CRYL1: variants seen among roughly 807,000 people sequenced by gnomAD.
The protein encoded by CRYL1 is crystallin lambda 1.
In CRYL1, 29 loss-of-function variants were observed where a neutral mutation model predicts 36.6. The observed-to-expected ratio is 0.79, with a 90% CI of 0.59 to 1.08. The LOEUF (loss-of-function observed/expected upper bound fraction) is 1.08, where lower values mean the gene tolerates loss of function less well. Ranked by LOEUF, CRYL1 falls within the 50% of genes least tolerant of loss-of-function variation. The pLI, the probability that CRYL1 is intolerant of heterozygous loss-of-function variation, is 0.00. For missense variants in CRYL1, 411 were observed against 407.9 expected (o/e 1.01, Z -0.06); for synonymous variants, 152 against 151.5 (o/e 1.00, Z -0.02).
At chr13:20,480,622 T>A (rs2033256608) in intron 3 of CRYL1, among the ~76,000 whole-genome samples, 1 of 152,204 alleles carries the variant, frequency 6.6e-6, no homozygotes, top group Non-Finnish European at 1.5e-5. Context: ...TTCCTAATGC[T>A]CCTGCAGGTC....
intron 3 of CRYL1, among the ~76,000 whole-genome samples, chr13:20,482,621 G>A (rs989674478): frequency 2.0e-5 from 3 of 152,244 alleles, no homozygotes; most frequent in Non-Finnish European, 4.4e-5. Flanking sequence ...GCCCTCTAGG[G>A]TTGGGTAGAA....
At chr13:20,487,722 T>A (rs1025508990) in intron 3 of CRYL1, among the ~76,000 whole-genome samples, 3 of 151,974 alleles carry the variant, frequency 2.0e-5, no homozygotes, top group African/African-American at 7.3e-5. Context: ...GAGGTTGCAA[T>A]GAGCCAAGAT....
chr13:20,515,473 T>C (rs985850130), intron 1 of CRYL1, among the ~76,000 whole-genome samples: 3 of 152,090 alleles, frequency 2.0e-5, no homozygotes, highest in Non-Finnish European at 4.4e-5. Context: ...ATAATAATAC[T>C]TAAATTTAGT....
At chr13:20,501,614 GA>G (rs2033705614) in intron 2 of CRYL1, among the ~76,000 whole-genome samples, 1 of 152,202 alleles carries the variant, frequency 6.6e-6, no homozygotes, top group South Asian at 2.1e-4. Context: ...GGCAGACATG[GA>G]AGATCAGGTA....
At chr13:20,444,871 C>T (rs1019235691) in intron 3 of CRYL1, among the ~76,000 whole-genome samples, 1 of 152,172 alleles carries the variant, frequency 6.6e-6, no homozygotes, top group Admixed American at 6.5e-5. Flanking sequence ...TGCGCAGCAC[C>T]ATGCTCAGCT....
intron 3 of CRYL1, among the ~76,000 whole-genome samples, chr13:20,485,442 C>T (rs35098762): frequency 0.2 from 29,859 of 151,998 alleles, 3,222 homozygotes; most frequent in Non-Finnish European, 0.25. Context: ...GCAGGTGGAT[C>T]ACTTGAGGTC....
At chr13:20,482,472 AT>A (rs539497238) in intron 3 of CRYL1, among the ~76,000 whole-genome samples, 83 of 152,270 alleles carry the variant, frequency 5.5e-4, no homozygotes, top group African/African-American at 1.9e-3. Flanking sequence ...GAGTAAACTT[AT>A]TTTTCCAGAA....
intron 3 of CRYL1, among the ~76,000 whole-genome samples, chr13:20,444,587 C>A (rs2032417366): frequency 6.6e-6 from 1 of 152,056 alleles, no homozygotes; most frequent in Middle Eastern, 3.2e-3. Context: ...TTTGTGAAAT[C>A]ATTTCTTTAG....
chr13:20,442,140 G>A (rs2032365316), intron 3 of CRYL1, among the ~76,000 whole-genome samples: 1 of 152,190 alleles, frequency 6.6e-6, no homozygotes, highest in East Asian at 1.9e-4. Flanking sequence ...TAATAAAAGA[G>A]TCTCCATGAA....
chr13:20,464,284 C>T (rs1183254627), intron 3 of CRYL1, among the ~76,000 whole-genome samples: 1 of 152,158 alleles, frequency 6.6e-6, no homozygotes, highest in Non-Finnish European at 1.5e-5. Context: ...GTCCCAGCTA[C>T]TCAGGAGGTT....
At chr13:20,503,896 C>T (rs1454934856) in intron 2 of CRYL1, among the ~76,000 whole-genome samples, 1 of 152,176 alleles carries the variant, frequency 6.6e-6, no homozygotes, top group Non-Finnish European at 1.5e-5. Flanking sequence ...TTAGGAGACA[C>T]AGTACAGGCC....
At chr13:20,424,065 G>A (rs760785474) in intron 5 of CRYL1, among the ~76,000 whole-genome samples, 2 of 152,100 alleles carry the variant, frequency 1.3e-5, no homozygotes, top group Non-Finnish European at 2.9e-5. Flanking sequence ...CACCACGCCC[G>A]GCCGGGAATG....
At chr13:20,409,398 T>A (rs2137362629) in intron 6 of CRYL1, among the ~76,000 whole-genome samples, 1 of 152,314 alleles carries the variant, frequency 6.6e-6, no homozygotes, top group South Asian at 2.1e-4. Context: ...CATAAACCAT[T>A]AAAGACTTTA....
chr13:20,449,105 T>C (rs150185827), intron 3 of CRYL1, among the ~76,000 whole-genome samples: 2,403 of 152,212 alleles, frequency 0.016, 13 homozygotes, highest in Middle Eastern at 0.041. Flanking sequence ...GAGGTGGAGG[T>C]TGCAGTGAGC....
At chr13:20,459,111 C>G (rs929306189) in intron 3 of CRYL1, among the ~76,000 whole-genome samples, 1 of 151,894 alleles carries the variant, frequency 6.6e-6, no homozygotes, top group African/African-American at 2.4e-5. Flanking sequence ...TGGCGGGTGC[C>G]TGTAGTCCCG....
At chr13:20,523,782 T>C (rs1342912951) in intron 1 of CRYL1, among the ~76,000 whole-genome samples, 1 of 152,126 alleles carries the variant, frequency 6.6e-6, no homozygotes, top group East Asian at 1.9e-4. Context: ...AATTATGTGG[T>C]CCTTAAAGTT....
chr13:20,414,397 G>T (rs1433781987), intron 5 of CRYL1, among the ~76,000 whole-genome samples: 1 of 151,988 alleles, frequency 6.6e-6, no homozygotes, highest in Non-Finnish European at 1.5e-5. Context: ...GCCTGCAGCT[G>T]CAGGGAGTGA....
chr13:20,491,109 GTTGCCCAGGT>G (rs2033502997), intron 2 of CRYL1, among the ~76,000 whole-genome samples: 1 of 152,044 alleles, frequency 6.6e-6, no homozygotes, highest in African/African-American at 2.4e-5. Context: ...GTTTCGCCAT[GTTGCCCAGGT>G]TGATCTCTAA....
chr13:20,405,349 G>A (rs1232240640), intron 6 of CRYL1, among the ~76,000 whole-genome samples: 1 of 152,016 alleles, frequency 6.6e-6, no homozygotes, highest in Admixed American at 6.5e-5. Flanking sequence ...CCCTCCGGTT[G>A]GCCTGCGTTC....
Sources: allele counts gnomAD v4.1 joint callset (sites outside exome capture counted in the v4.1 genomes callset), GRCh38; gene constraint gnomAD v4.1.1; transcripts MANE v1.5; gene names NCBI Gene and HGNC (gene_info 2026-07-23, HGNC 2026-07-21).